Variants in NCOA7 observed in about 807,000 individuals in gnomAD.
NCOA7 encodes the protein nuclear receptor coactivator 7.
NCOA7 carries 45 observed loss-of-function variants against 104.3 expected under a neutral mutation model. The ratio of observed to expected loss-of-function variants is 0.43; its 90% CI spans 0.34 to 0.55. The LOEUF is 0.55. Ranked by LOEUF, NCOA7 falls within the 20% of genes least tolerant of loss-of-function variation. The pLI is 0.02. For missense variants in NCOA7, 1,041 were observed against 1,119.7 expected (o/e 0.93, Z 1.00); for synonymous variants, 398 against 402.3 (o/e 0.99, Z 0.13).
chr6:125,877,985 C>A (rs1057251083), intron 4 of NCOA7, among the ~76,000 whole-genome samples: 1 of 152,146 alleles, frequency 6.6e-6, no homozygotes, highest in Non-Finnish European at 1.5e-5. Context: ...GCTCACGGAC[C>A]TTTACTTCAT....
At chr6:125,907,970 T>A (rs150778516) in intron 10 of NCOA7, among the ~76,000 whole-genome samples, 3 of 152,182 alleles carry the variant, frequency 2.0e-5, no homozygotes, top group African/African-American at 7.2e-5. Flanking sequence ...TGCTTTTTCC[T>A]TTTCTCTAGA....
chr6:125,895,779 C>G (rs1383244552), intron 10 of NCOA7, among the ~76,000 whole-genome samples: 1 of 151,930 alleles, frequency 6.6e-6, no homozygotes, highest in Non-Finnish European at 1.5e-5. Flanking sequence ...CACTTTTAAG[C>G]ACCCAGATCT....
intron 5 of NCOA7, among the ~76,000 whole-genome samples, chr6:125,879,487 G>A (rs1783643205): frequency 6.6e-6 from 1 of 152,122 alleles, no homozygotes; most frequent in Non-Finnish European, 1.5e-5. Context: ...TATATTTTTA[G>A]TAGTTATCAG....
intron 1 of NCOA7, among the ~76,000 whole-genome samples, chr6:125,813,749 C>T (rs1012732255): frequency 2.6e-5 from 4 of 152,018 alleles, no homozygotes; most frequent in African/African-American, 9.7e-5. Context: ...TGCGCCTGGC[C>T]GGAAATCCAT....
chr6:125,924,009 A>G (rs779841298), intron 13 of NCOA7, among the ~76,000 whole-genome samples: 1 of 152,156 alleles, frequency 6.6e-6, no homozygotes, highest in Non-Finnish European at 1.5e-5. Flanking sequence ...TTATTTCCTG[A>G]TTGCTGACAT....
At chr6:125,886,164 GAA>G (rs57159294) in intron 8 of NCOA7, among the ~76,000 whole-genome samples, 14 of 115,908 alleles carry the variant, frequency 1.2e-4, no homozygotes, top group Non-Finnish European at 1.3e-4. Context: ...GGGCTTATAT[GAA>G]AAAAAAAAAA....
chr6:125,804,566 A>G (rs1264956065), intron 1 of NCOA7, among the ~76,000 whole-genome samples: 1 of 152,208 alleles, frequency 6.6e-6, no homozygotes, highest in Non-Finnish European at 1.5e-5. Flanking sequence ...CTGTATGACA[A>G]TGCAGATTTG....
At position 125,920,857 on chromosome 6, in the gene NCOA7, ACG is replaced by A. The variant is rs1410572609; in HGVS notation, c.2245-85_2245-84del. 900 of 1,509,484 alleles carry A rather than the reference ACG, an allele frequency of 6.0e-4. 21 individuals carry two copies. In the East Asian group the frequency reaches 0.021, roughly 34 times the overall value. 93.5% of individuals were successfully genotyped at this position (1,509,484 alleles called of 1,614,324 possible). A position where few individuals can be genotyped will look rare whatever the true frequency, so the allele number is the denominator to read the frequency against. ...CTGCCGAAGCGTCACCTTTTCAAGC[ACG>A]GGTGTCCCTAGAGTGATTTTTTAAA... is the stretch of plus-strand genomic sequence containing the variant. On this transcript the variant is annotated intron_variant, in intron 11 of 15. Coordinates refer to ENST00000392477, the MANE Select transcript of NCOA7 (RefSeq NM_181782.5).
intron 1 of NCOA7, among the ~76,000 whole-genome samples, chr6:125,792,690 T>A (rs1248313077): frequency 6.6e-6 from 1 of 152,098 alleles, no homozygotes; most frequent in Non-Finnish European, 1.5e-5. Flanking sequence ...TAGAAACACA[T>A]CAGTTTCCAA....
At chr6:125,815,912 T>G (rs1262795536) in intron 2 of NCOA7, among the ~76,000 whole-genome samples, 1 of 152,234 alleles carries the variant, frequency 6.6e-6, no homozygotes, top group Non-Finnish European at 1.5e-5. Context: ...ATAAATTTGT[T>G]GATATCTGAA....
upstream of NCOA7, among the ~76,000 whole-genome samples, chr6:125,786,390 G>T (rs1445245827): frequency 6.6e-6 from 1 of 152,052 alleles, no homozygotes; most frequent in East Asian, 1.9e-4. Flanking sequence ...TAGCTCCAAG[G>T]TCATTACTTA....
intron 10 of NCOA7, among the ~76,000 whole-genome samples, chr6:125,899,408 T>G (rs1306188347): frequency 6.6e-6 from 1 of 152,204 alleles, no homozygotes; most frequent in East Asian, 1.9e-4. Flanking sequence ...ACCATAATCT[T>G]GAACATTTTT....
chr6:125,800,341 A>G (rs891290646), intron 1 of NCOA7, among the ~76,000 whole-genome samples: 5 of 152,228 alleles, frequency 3.3e-5, no homozygotes, highest in Non-Finnish European at 7.3e-5. Flanking sequence ...ACAGAAAGAA[A>G]TTGTTGGAAT....
intron 2 of NCOA7, among the ~76,000 whole-genome samples, chr6:125,829,433 ATCAT>A (rs564888262): frequency 1.3e-3 from 201 of 152,330 alleles, no homozygotes; most frequent in Non-Finnish European, 2.5e-3. Flanking sequence ...GTGAGGACCA[ATCAT>A]TCATATCTGT....
chr6:125,870,057 C>T (rs72969776), intron 3 of NCOA7, among the ~76,000 whole-genome samples: 16,823 of 152,222 alleles, frequency 0.11, 1,082 homozygotes, highest in African/African-American at 0.18. Flanking sequence ...AGCTGCCTTG[C>T]TCTGTGCATC....
chr6:125,925,775 C>T (rs1390917672), intron 13 of NCOA7, among the ~76,000 whole-genome samples: 1 of 152,146 alleles, frequency 6.6e-6, no homozygotes, highest in Non-Finnish European at 1.5e-5. Flanking sequence ...CTGGGTTGCT[C>T]TTCATCTATT....
chr6:125,813,761 C>T (rs1002625891), intron 1 of NCOA7, among the ~76,000 whole-genome samples: 1 of 152,070 alleles, frequency 6.6e-6, no homozygotes, highest in Non-Finnish European at 1.5e-5. Context: ...GAAATCCATT[C>T]TTAACCTACA....
At chr6:125,791,569 C>T (rs770513359) in intron 1 of NCOA7, among the ~76,000 whole-genome samples, 18 of 152,172 alleles carry the variant, frequency 1.2e-4, no homozygotes, top group Non-Finnish European at 1.6e-4. Flanking sequence ...ATCGATGGGG[C>T]AAACCCTTAC....
chr6:125,821,379 C>T (rs1236390564), intron 2 of NCOA7, among the ~76,000 whole-genome samples: 2 of 152,100 alleles, frequency 1.3e-5, no homozygotes, highest in Admixed American at 1.3e-4. Flanking sequence ...CAGGTCTTCC[C>T]TTCTCCATCC....
Sources: gnomAD v4.1 joint callset for allele counts (sites outside exome capture counted in the v4.1 genomes callset) on GRCh38, gnomAD v4.1.1 for gene constraint, MANE v1.5 for transcripts, NCBI Gene and HGNC (gene_info 2026-07-23, HGNC 2026-07-21) for gene names.